The following GAD1 variants were observed in gnomAD, a reference collection of about 807,000 sequenced individuals.
GAD1 encodes the protein 67 kDa glutamic acid decarboxylase.
A neutral mutation model predicts 75.2 loss-of-function variants in GAD1; 35 were observed. That is an observed-to-expected ratio of 0.47 (90% CI 0.36 to 0.62). The LOEUF (loss-of-function observed/expected upper bound fraction) is 0.62, where lower values mean the gene tolerates loss of function less well. Among genes scored for constraint, GAD1 ranks in the 20% least tolerant of loss-of-function variants. GAD1 has a pLI of 0.00. For synonymous variants in GAD1, 257 were observed against 271.9 expected (o/e 0.95, Z 0.54); for missense variants, 490 against 758.5 (o/e 0.65, Z 4.16).
chr2:170,847,815 C>A, intron 11 of GAD1, 23 bp downstream of exon 11: 1 of 1,519,150 alleles, frequency 6.6e-7, no homozygotes, highest in Non-Finnish European at 9.1e-7. Flanking sequence ...TAACTCAGGC[C>A]AGTCCATGTG....
chr2:170,848,880 G>T (rs1047519564), intron 11 of GAD1: 1 of 481,796 alleles, frequency 2.1e-6, no homozygotes, highest in African/African-American at 2.0e-5. Flanking sequence ...AGTTTTTCAG[G>T]AGCTGTTAGA....
chr2:170,847,176 G>C (rs1215264471), intron 10 of GAD1, among the ~76,000 whole-genome samples: 1 of 152,100 alleles, frequency 6.6e-6, no homozygotes, highest in Non-Finnish European at 1.5e-5. Flanking sequence ...ACCCCACAAT[G>C]TTTCAGTATA....
intron 3 of GAD1, among the ~76,000 whole-genome samples, chr2:170,822,959 C>G (rs1038697137): frequency 1.1e-4 from 16 of 152,190 alleles, no homozygotes; most frequent in African/African-American, 3.6e-4. Context: ...ACAGGAGGGT[C>G]TGAAATGAAA....
chr2:170,824,551 G>A (rs992168116), intron 3 of GAD1, among the ~76,000 whole-genome samples: 18 of 152,076 alleles, frequency 1.2e-4, no homozygotes, highest in African/African-American at 4.3e-4. Context: ...CAAACCCACT[G>A]CCCTGGATGA....
chr2:170,822,210 T>G, intron 3 of GAD1, 61 bp downstream of exon 3: 13 of 1,362,584 alleles, frequency 9.5e-6, no homozygotes, highest in Non-Finnish European at 1.4e-5. Flanking sequence ...CTTTGGGGCT[T>G]GGGAGACTGG....
At position 170,860,744 on chromosome 2, in the gene GAD1, A is replaced by G. The variant is rs1365412263; in HGVS notation, c.*862A>G. ...AAAGATTAAAATTAGTGAGATTTGT[A>G]TTTATATTAGAGTGCCCTTAAAATA... On this transcript the variant is annotated 3_prime_UTR_variant, in exon 17 of 17. Transcript: ENST00000358196. The G allele has an allele frequency of 6.6e-6, 1 of 152,668 alleles. No homozygotes were observed. The highest frequency in any genetic ancestry group is 1.5e-5 in the Non-Finnish European group (1 of 68,046). The allele number at this position is 152,668 out of a possible 1,614,324, so 9.5% of individuals were successfully genotyped here. A position where few individuals can be genotyped will look rare whatever the true frequency, so the allele number is the denominator to read the frequency against.
Position 170,859,741 on chromosome 2 carries a change from G to A in GAD1, c.1644G>A (p.Glu548=). 1 of 1,614,220 alleles carries A rather than the reference G, an allele frequency of 6.2e-7. No homozygotes were observed. The highest frequency in any genetic ancestry group is 2.2e-5 in the East Asian group (1 of 44,890). Residue 548 remains glutamate, a synonymous_variant, in exon 17 of 17, where the codon GAG becomes GAA. Coordinates refer to ENST00000358196, the MANE Select transcript of GAD1 (RefSeq NM_000817.3). ...VAPKIKALMM[E]SGTTMVGYQP... The stretch of plus-strand genomic sequence containing the variant: ...CAAAAATCAAAGCCCTGATGATGGA[G>A]TCAGGTACGACCATGGTTGGCTACC...
intron 4 of GAD1, among the ~76,000 whole-genome samples, chr2:170,830,722 T>C (rs1341731615): frequency 6.6e-6 from 1 of 152,172 alleles, no homozygotes; most frequent in Admixed American, 6.5e-5. Context: ...CTTCATTCCA[T>C]GTCTGAGCAG....
At chr2:170,833,119 T>C (rs911369534) in intron 5 of GAD1, among the ~76,000 whole-genome samples, 1 of 152,240 alleles carries the variant, frequency 6.6e-6, no homozygotes, top group African/African-American at 2.4e-5. Context: ...TCTCCTTCTT[T>C]ATTTTCCCTC....
At chr2:170,830,679 G>A (rs1019962880) in intron 4 of GAD1, among the ~76,000 whole-genome samples, 17 of 152,190 alleles carry the variant, frequency 1.1e-4, no homozygotes, top group African/African-American at 3.6e-4. Context: ...GATGACAACC[G>A]CAGTCGCAGG....
chr2:170,828,148 A>ACCCTCCTCCCTCTGCTGTCCTCC (rs1702076362), intron 3 of GAD1, among the ~76,000 whole-genome samples: 1 of 79,998 alleles, frequency 1.3e-5, no homozygotes. Flanking sequence ...TGCTGTCCTC[A>ACCCTCCTCCCTCTGCTGTCCTCC]CCCTCCTCCC....
At chr2:170,828,675 CCTGTTGTCCTCACCCTCCTCCT>C (rs1559272518) in intron 3 of GAD1, among the ~76,000 whole-genome samples, 6 of 114,064 alleles carry the variant, frequency 5.3e-5, no homozygotes, top group African/African-American at 1.7e-4. Flanking sequence ...ACCCTCCTCC[CCTGTTGTCCTCACCCTCCTCCT>C]CTGTTGTCCA....
chr2:170,815,713 T>C (rs1701683146), upstream of GAD1, among the ~76,000 whole-genome samples: 1 of 152,040 alleles, frequency 6.6e-6, no homozygotes, highest in Admixed American at 6.6e-5. Context: ...CATCAACATT[T>C]TTGCCCTAAA....
At chr2:170,840,966 G>A (rs947836379) in intron 6 of GAD1, among the ~76,000 whole-genome samples, 17 of 152,124 alleles carry the variant, frequency 1.1e-4, no homozygotes, top group African/African-American at 2.4e-4. Context: ...GAACTCCTCC[G>A]GGAAGGTGAG....
rs1702612201 is a variant in GAD1, at chr2:170,845,577, G to A, written c.823G>A (p.Gly275Ser). 1 of 1,614,136 alleles carries A rather than the reference G, an allele frequency of 6.2e-7. No homozygotes were observed. Among genetic ancestry groups the A allele is most frequent in the Non-Finnish European group, 8.5e-7 (1 of 1,180,032 alleles). ...GTACTTCCCGGAAGTTAAGACAAAGGGCATGGCGGCTGTGCCTAAACTGGT... is the reference window on the plus strand; with the variant it reads ...GTACTTCCCGGAAGTTAAGACAAAGAGCATGGCGGCTGTGCCTAAACTGGT... ...YKYFPEVKTK[G>S]MAAVPKLVLF... The change falls in exon 8 of 17, where the codon GGC becomes AGC. Residue 275 changes from glycine to serine, a missense_variant. This residue lies in a region of GAD1 where 324 missense variants were observed against 523.9 expected (regional missense o/e 0.62). Transcript: ENST00000358196.
At chr2:170,852,454 G>A (rs186816338) in intron 12 of GAD1, 197 of 500,292 alleles carry the variant, frequency 3.9e-4, no homozygotes, top group Admixed American at 2.3e-3. Flanking sequence ...ATACCTGAAA[G>A]CTCTCAAGAC....
chr2:170,831,610 G>C (rs917080510), intron 5 of GAD1, among the ~76,000 whole-genome samples: 5 of 143,818 alleles, frequency 3.5e-5, no homozygotes, highest in Middle Eastern at 3.6e-3. Flanking sequence ...GTGTGTGTGT[G>C]TGTGTGTGTG....
At chr2:170,839,613 CAAAA>C (rs201762496) in intron 6 of GAD1, among the ~76,000 whole-genome samples, 4 of 101,824 alleles carry the variant, frequency 3.9e-5, no homozygotes, top group Non-Finnish European at 6.2e-5. Context: ...GACTCCATCT[CAAAA>C]AAAAAAAAAA....
At chr2:170,814,868 A>T (rs1377549243), upstream of GAD1, among the ~76,000 whole-genome samples, 1 of 152,170 alleles carries the variant, frequency 6.6e-6, no homozygotes, top group Non-Finnish European at 1.5e-5. Flanking sequence ...GGGTCAAAGG[A>T]GGAAGTGGTT....
Sources: gnomAD v4.1 joint callset for allele counts (sites outside exome capture counted in the v4.1 genomes callset) on GRCh38, gnomAD v4.1.1 for gene constraint, gnomAD v4.1.1 regional missense constraint, MANE v1.5 for transcripts, NCBI Gene and HGNC (gene_info 2026-07-23, HGNC 2026-07-21) for gene names.